Variants in ZAP70 observed in about 807,000 individuals in gnomAD.
The protein encoded by ZAP70 is zeta chain of T cell receptor associated protein kinase 70.
A neutral mutation model predicts 65.8 loss-of-function variants in ZAP70; 27 were observed. The ratio of observed to expected loss-of-function variants is 0.41; its 90% CI spans 0.30 to 0.57. The LOEUF (loss-of-function observed/expected upper bound fraction) is 0.57, where lower values mean the gene tolerates loss of function less well. Ranked by LOEUF, ZAP70 falls within the 20% of genes least tolerant of loss-of-function variation. ZAP70 has a pLI of 0.28. For missense variants in ZAP70, 696 were observed against 870.5 expected (o/e 0.80, Z 2.52); for synonymous variants, 363 against 360.8 (o/e 1.01, Z -0.07).
intron 2 of ZAP70, among the ~76,000 whole-genome samples, chr2:97,720,269 C>A (rs1677107760): frequency 6.6e-6 from 1 of 151,900 alleles, no homozygotes; most frequent in Admixed American, 6.6e-5. Flanking sequence ...GCTCTGTTGC[C>A]CAGGCTGGAG....
chr2:97,737,783 C>T lies in ZAP70; in HGVS notation c.1509C>T (p.Leu503=), dbSNP rs201016309. 6.2e-7 allele frequency: 1 copy of T among 1,614,156 alleles called. No homozygotes were observed. ...YTARSAGKWP[L]KWYAPECINF... Reference sequence around the variant, plus strand: ...CCCGCTCAGCAGGGAAGTGGCCGCTCAAGTGGTACGCACCCGAATGCATCA... The same window carrying T: ...CCCGCTCAGCAGGGAAGTGGCCGCTTAAGTGGTACGCACCCGAATGCATCA... The change falls in exon 12 of 14, where the codon CTC becomes CTT. Residue 503 remains leucine (L), a synonymous_variant. Coordinates refer to ENST00000264972, the MANE Select transcript of ZAP70 (RefSeq NM_001079.4). This position sits in a 1 kb window ranked among gnomAD's most constrained non-coding sequence, Gnocchi z 5.0.
intron 10 of ZAP70, among the ~76,000 whole-genome samples, chr2:97,735,894 G>A (rs570391044): frequency 5.7e-4 from 87 of 152,248 alleles, no homozygotes; most frequent in African/African-American, 2.0e-3. Flanking sequence ...GCGCCTCCCA[G>A]CTACTCAGGA....
chr2:97,720,373 G>A (rs746162619), intron 2 of ZAP70, among the ~76,000 whole-genome samples: 5 of 152,014 alleles, frequency 3.3e-5, no homozygotes, highest in Admixed American at 6.6e-5. Flanking sequence ...GACTACAGGC[G>A]CCCACCACCA....
chr2:97,754,668 G>C, the ZAP70 span, among the ~76,000 whole-genome samples: 1 of 152,236 alleles, frequency 6.6e-6, no homozygotes, highest in African/African-American at 2.4e-5. Context: ...CTCCCAAGGT[G>C]CTGGGACTAC....
chr2:97,736,871 T>A lies in ZAP70; in HGVS notation c.1290-602T>A, dbSNP rs755813119. Among the ~76,000 whole-genome samples the A allele has an allele frequency of 6.6e-6, 1 of 151,226 alleles. No individual in the cohort carries two copies. The highest frequency in any genetic ancestry group is 2.4e-5 in the African/African-American group (1 of 41,090). ...GTTGGGTGGGAGCTAGGGGGTGCTG[T>A]GAGCAGAGGAGGGGGAGGACCTGAC... On this transcript the variant is annotated intron_variant, in intron 10 of 13. Transcript: ENST00000264972. This position sits in a 1 kb window ranked among gnomAD's most constrained non-coding sequence, Gnocchi z 4.0.
the ZAP70 span, among the ~76,000 whole-genome samples, chr2:97,745,676 T>G: frequency 1.3e-5 from 2 of 152,088 alleles, no homozygotes; most frequent in Non-Finnish European, 2.9e-5. Flanking sequence ...CTGCTGAGGG[T>G]GTGGCGAAAT....
Position 97,733,449 on chromosome 2 carries a change from C to T in ZAP70, c.838-95C>T, listed in dbSNP as rs778413836. The T allele has an allele frequency of 8.1e-6, 13 of 1,605,856 alleles. No homozygotes were observed. The South Asian group carries it at 1.1e-4, about 14-fold the overall frequency. On this transcript the variant is annotated intron_variant, in intron 7 of 13. Transcript: ENST00000264972. ...GTGCCTGTGGAGCGGAAGAAGCTCT[C>T]TCTCCACTGTCTCTGGGAGTCCTCA...
At chr2:97,749,486 G>A in the ZAP70 span, among the ~76,000 whole-genome samples, 23 of 152,198 alleles carry the variant, frequency 1.5e-4, no homozygotes, top group East Asian at 3.8e-4. Context: ...TTGGAGTTCC[G>A]GGTGGGCAAT....
At chr2:97,754,758 T>C in the ZAP70 span, among the ~76,000 whole-genome samples, 1 of 152,212 alleles carries the variant, frequency 6.6e-6, no homozygotes, top group Non-Finnish European at 1.5e-5. Context: ...TATGTAGAGC[T>C]TTACACGTCA....
At chr2:97,754,396 T>C in the ZAP70 span, among the ~76,000 whole-genome samples, 1 of 152,106 alleles carries the variant, frequency 6.6e-6, no homozygotes, top group Non-Finnish European at 1.5e-5. Context: ...GCCAATACAG[T>C]TTTTTTCTTA....
rs777285124 is a variant in ZAP70 at position 97,725,121 on chromosome 2, C to T, written c.432C>T (p.Ser144=). Residue 144 remains serine, a synonymous_variant, in exon 4 of 14, where the codon AGC becomes AGT. Transcript: ENST00000264972. ...AGGCCCTGGAGCAGGCCATCATCAG[C>T]CAGGCCCCGCAGGTGGAGAAGCTCA... The part of the protein sequence containing the change: ...EGEALEQAII[S]QAPQVEKLIA... 1.2e-6 allele frequency: 2 copies of T among 1,614,128 alleles called. No homozygotes were observed. The highest frequency in any genetic ancestry group is 2.2e-5 in the South Asian group (2 of 91,084).
In ZAP70 at chr2:97,731,940, G is replaced by C. The variant is rs1677626841; in HGVS notation, c.564-943G>C. ...CCCTCCTCACTGTAAAGCTACACTT[G>C]ACCCTGCAATAGAGGCTTGTGCCAG... On this transcript the variant is annotated intron_variant, in intron 4 of 13. Coordinates refer to ENST00000264972, the MANE Select transcript of ZAP70 (RefSeq NM_001079.4). The surrounding 1 kb of genome is among the most constrained non-coding windows in gnomAD (Gnocchi z 4.0). Among the ~76,000 whole-genome samples the C allele has an allele frequency of 6.6e-6, 1 of 152,060 alleles. No homozygotes were observed. Among genetic ancestry groups the C allele is most frequent in the African/African-American group, 2.4e-5 (1 of 41,394 alleles).
chr2:97,744,856 G>T (rs999699422), downstream of ZAP70, among the ~76,000 whole-genome samples: 5 of 151,994 alleles, frequency 3.3e-5, no homozygotes, highest in Non-Finnish European at 7.4e-5. Flanking sequence ...ATGGATCAAT[G>T]ACCTAAATAT....
In ZAP70 at chr2:97,715,812, A is replaced by G. The variant is rs548378545; in HGVS notation, c.-22+1818A>G. ...GTAGTTGTGGTGAGAATTAGAATAA[A>G]TGGCTAATGCTCGCAAAGGGTAGTG... is the stretch of plus-strand genomic sequence containing the variant. On this transcript the variant is annotated intron_variant, in intron 2 of 13. Coordinates refer to ENST00000264972, the MANE Select transcript of ZAP70 (RefSeq NM_001079.4). This position sits in a 1 kb window ranked among gnomAD's most constrained non-coding sequence, Gnocchi z 4.1. Among the ~76,000 whole-genome samples, 4 of 152,296 alleles carry G rather than the reference A, an allele frequency of 2.6e-5. No individual in the cohort carries two copies. Among genetic ancestry groups the G allele is most frequent in the African/African-American group, 9.6e-5 (4 of 41,566 alleles).
chr2:97,724,812 C>T lies in ZAP70; in HGVS notation c.403-280C>T, dbSNP rs867821329. ...GTTGGGGAAGATGGGCAGTAGTCGT[C>T]CACAGCCTGAGTGACACCACCATGC... On this transcript the variant is annotated intron_variant, in intron 3 of 13. Coordinates refer to ENST00000264972, the MANE Select transcript of ZAP70 (RefSeq NM_001079.4). 9 of 1,512,894 alleles carry T rather than the reference C, an allele frequency of 5.9e-6. No homozygotes were observed. In the Middle Eastern group the frequency reaches 8.5e-4, roughly 143 times the overall value. 93.7% of individuals were successfully genotyped at this position (1,512,894 alleles called of 1,614,324 possible).
the ZAP70 span, among the ~76,000 whole-genome samples, chr2:97,748,317 G>A: frequency 6.6e-6 from 1 of 152,216 alleles, no homozygotes; most frequent in African/African-American, 2.4e-5. Flanking sequence ...ATTAAAAACT[G>A]TTAATCCACT....
downstream of ZAP70, among the ~76,000 whole-genome samples, chr2:97,742,464 C>T (rs1358475552): frequency 1.3e-5 from 2 of 152,264 alleles, no homozygotes; most frequent in Non-Finnish European, 2.9e-5. Context: ...AGGCCCCATC[C>T]TCTGCTCTGA....
At chr2:97,740,310 G>GA (rs1050287540), downstream of ZAP70, among the ~76,000 whole-genome samples, 5 of 152,190 alleles carry the variant, frequency 3.3e-5, no homozygotes, top group Non-Finnish European at 5.9e-5. Flanking sequence ...ATTTGAATCT[G>GA]AAAAATACCA....
In ZAP70 at chr2:97,715,527, G is replaced by A. The variant is rs961366648; in HGVS notation, c.-22+1533G>A. Among the ~76,000 whole-genome samples the A allele has an allele frequency of 4.6e-5, 7 of 152,202 alleles. No homozygotes were observed. The highest frequency in any genetic ancestry group is 1.3e-4 in the Admixed American group (2 of 15,274). On this transcript the variant is annotated intron_variant, in intron 2 of 13. Coordinates refer to ENST00000264972, the MANE Select transcript of ZAP70 (RefSeq NM_001079.4). The surrounding 1 kb of genome is among the most constrained non-coding windows in gnomAD (Gnocchi z 4.1). ...GAGTTGGGGGCCTCACTGGAGGGGC[G>A]GTGGAAGGGCATTGTTCAATCAACA...
Sources: allele counts gnomAD v4.1 joint callset (sites outside exome capture counted in the v4.1 genomes callset), GRCh38; gene constraint gnomAD v4.1.1; non-coding constraint Gnocchi (gnomAD v3.1); transcripts MANE v1.5; gene names NCBI Gene and HGNC (gene_info 2026-07-23, HGNC 2026-07-21).